The following CSGALNACT1 variants were observed in gnomAD, a reference collection of about 807,000 sequenced individuals.
CSGALNACT1 encodes beta4GalNAcT-1.
In CSGALNACT1, 52 loss-of-function variants were observed where a neutral mutation model predicts 51.0. That is an observed-to-expected ratio of 1.02 (90% confidence interval 0.82 to 1.29). The LOEUF is 1.29. Ranked by LOEUF, CSGALNACT1 falls within the 50% of genes most tolerant of loss-of-function variation. The pLI is 0.00. For synonymous variants in CSGALNACT1, 341 were observed against 254.4 expected (o/e 1.34, Z -3.24); for missense variants, 935 against 679.2 (o/e 1.38, Z -4.19).
At chr8:19,492,909 C>T (rs1354219021) in intron 4 of CSGALNACT1, among the ~76,000 whole-genome samples, 1 of 152,044 alleles carries the variant, frequency 6.6e-6, no homozygotes, top group Non-Finnish European at 1.5e-5. Context: ...AGATTTAAGT[C>T]TTCTTTCTTT....
Position 19,487,715 on chromosome 8 carries a change from T to C in CSGALNACT1, c.634+17486A>G, listed in dbSNP as rs181257424. 2.9e-3 allele frequency among the ~76,000 whole-genome samples: 447 copies of C among 152,140 alleles called. 5 individuals carry two copies. The highest frequency in any genetic ancestry group is 3.1e-3 in the Non-Finnish European group (214 of 68,014). On this transcript the variant is annotated intron_variant, in intron 4 of 9. Coordinates refer to ENST00000454498, the Ensembl canonical transcript of CSGALNACT1. ...CATGGTAGTTTTCCACAAAAAAGGG[T>C]GTTTCCATATGCAGACTGAGATATC...
intron 4 of CSGALNACT1, among the ~76,000 whole-genome samples, chr8:19,499,787 C>T (rs2076104419): frequency 6.6e-6 from 1 of 152,148 alleles, no homozygotes; most frequent in African/African-American, 2.4e-5. Context: ...AAATGTGGGG[C>T]CCCTTAAACA....
At chr8:19,695,017 C>T (rs904328809) in intron 1 of CSGALNACT1, among the ~76,000 whole-genome samples, 1 of 152,162 alleles carries the variant, frequency 6.6e-6, no homozygotes, top group Non-Finnish European at 1.5e-5. Flanking sequence ...ACAGGCCCCC[C>T]ATCTACAGCT....
At chr8:19,446,340 C>T (rs2062109406) in intron 5 of CSGALNACT1, among the ~76,000 whole-genome samples, 1 of 152,096 alleles carries the variant, frequency 6.6e-6, no homozygotes, top group Admixed American at 6.6e-5. Context: ...TCTATAAACA[C>T]CTTGGTAAAA....
intron 1 of CSGALNACT1, among the ~76,000 whole-genome samples, chr8:19,630,196 G>C (rs746781396): frequency 0.096 from 1,124 of 11,736 alleles, 15 homozygotes; most frequent in African/African-American, 0.12. Context: ...CCACGTCTCT[G>C]TGTGTGTGTG....
intron 4 of CSGALNACT1, among the ~76,000 whole-genome samples, chr8:19,481,139 C>A (rs1228804122): frequency 6.6e-6 from 1 of 152,066 alleles, no homozygotes; most frequent in Non-Finnish European, 1.5e-5. Flanking sequence ...TTATGTGCGG[C>A]TAATAAAACC....
Position 19,408,767 on chromosome 8 carries a change from G to A in CSGALNACT1, c.1228-73C>T, listed in dbSNP as rs552405564. 14 of 1,336,694 alleles carry A rather than the reference G, an allele frequency of 1.0e-5. No homozygotes were observed. In the East Asian group the frequency reaches 2.3e-4, roughly 22 times the overall value. The allele number at this position is 1,336,694 out of a possible 1,614,324, so 82.8% of individuals were successfully genotyped here. ...AAATAGAGTGTTCACAAACTCCTGT[G>A]AGCCACCGTGGAGTGTGGAGCCCAT... On this transcript the variant is annotated intron_variant, in intron 8 of 9. Transcript: ENST00000454498.
chr8:19,505,247 C>G (rs1198797227), exon 4 of CSGALNACT1: 1 of 1,614,036 alleles, frequency 6.2e-7, no homozygotes, highest in African/African-American at 1.3e-5. Flanking sequence ...TGGGGCTGTT[C>G]TCTGCAGGAC....
intron 5 of CSGALNACT1, among the ~76,000 whole-genome samples, chr8:19,449,031 T>C (rs753026523): frequency 3.3e-5 from 5 of 152,152 alleles, no homozygotes; most frequent in Non-Finnish European, 7.3e-5. Context: ...TATTAATATA[T>C]AATTATTCTA....
intron 1 of CSGALNACT1, among the ~76,000 whole-genome samples, chr8:19,725,033 C>A (rs1179209320): frequency 6.6e-6 from 1 of 152,216 alleles, no homozygotes; most frequent in Non-Finnish European, 1.5e-5. Context: ...TGAGCTCCAA[C>A]CTTGCTCCTG....
At chr8:19,464,896 G>C (rs1563547841) in intron 4 of CSGALNACT1, among the ~76,000 whole-genome samples, 1 of 152,184 alleles carries the variant, frequency 6.6e-6, no homozygotes, top group Non-Finnish European at 1.5e-5. Flanking sequence ...CCGGCGGGAA[G>C]CAACATGGTG....
intron 1 of CSGALNACT1, among the ~76,000 whole-genome samples, chr8:19,614,400 T>C (rs74403500): frequency 0.023 from 3,453 of 152,272 alleles, 138 homozygotes; most frequent in African/African-American, 0.078. Flanking sequence ...TTTAAACATA[T>C]TGTCAGTTAG....
intron 1 of CSGALNACT1, among the ~76,000 whole-genome samples, chr8:19,656,084 A>G (rs1450066948): frequency 6.6e-6 from 1 of 152,204 alleles, no homozygotes; most frequent in Non-Finnish European, 1.5e-5. Context: ...TGTGCTTCAC[A>G]CAACTCTGGG....
chr8:19,695,193 T>G (rs1282271159), intron 1 of CSGALNACT1, among the ~76,000 whole-genome samples: 2 of 152,242 alleles, frequency 1.3e-5, no homozygotes, highest in Non-Finnish European at 2.9e-5. Context: ...ATTATTTTCC[T>G]AAAACCACTG....
intron 4 of CSGALNACT1, among the ~76,000 whole-genome samples, chr8:19,465,184 A>T (rs558323860): frequency 6.6e-6 from 1 of 152,334 alleles, no homozygotes; most frequent in East Asian, 1.9e-4. Context: ...GGAAATTCGG[A>T]TACATGCTAC....
chr8:19,517,337 G>A lies in CSGALNACT1; in HGVS notation c.-296-11207C>T, dbSNP rs192740005. On this transcript the variant is annotated intron_variant, in intron 3 of 9. Transcript: ENST00000454498. ...TGCCTGTAATCCCAGTTGCTCGGGA[G>A]GCTGAGGCAGGAGAATCGCTTGAAT... is the stretch of plus-strand genomic sequence containing the variant. Among the ~76,000 whole-genome samples the A allele has an allele frequency of 5.2e-3, 790 of 152,284 alleles. 7 individuals carry two copies. The highest frequency in any genetic ancestry group is 7.9e-3 in the Admixed American group (121 of 15,298).
chr8:19,440,208 C>A (rs991260019), intron 5 of CSGALNACT1, among the ~76,000 whole-genome samples: 3 of 152,164 alleles, frequency 2.0e-5, no homozygotes, highest in Non-Finnish European at 4.4e-5. Flanking sequence ...CCTAGCCCAC[C>A]GGGCCTAGAC....
intron 3 of CSGALNACT1, among the ~76,000 whole-genome samples, chr8:19,586,760 G>A (rs2046747121): frequency 6.6e-6 from 1 of 152,152 alleles, no homozygotes. Context: ...GCTGGAAATG[G>A]ATTCTGTGGA....
At chr8:19,499,642 G>T (rs572709995) in intron 4 of CSGALNACT1, among the ~76,000 whole-genome samples, 3 of 152,170 alleles carry the variant, frequency 2.0e-5, no homozygotes, top group African/African-American at 7.2e-5. Flanking sequence ...AAAAGAGCTG[G>T]TCCTCATCAA....
Sources: allele counts gnomAD v4.1 joint callset (sites outside exome capture counted in the v4.1 genomes callset), GRCh38; gene constraint gnomAD v4.1.1; transcripts MANE v1.5; gene names NCBI Gene and HGNC (gene_info 2026-07-23, HGNC 2026-07-21).